Variants in SYT16 observed in about 807,000 individuals in gnomAD.
SYT16 encodes the protein synaptotagmin-16.
SYT16 carries 42 observed loss-of-function variants against 61.4 expected under a neutral mutation model. The observed-to-expected ratio is 0.68, with a 90% CI of 0.53 to 0.89. SYT16 has a LOEUF of 0.89. SYT16 is among the 40% of genes least tolerant of loss of function. The pLI, the probability that SYT16 is intolerant of heterozygous loss-of-function variation, is 0.00. For missense variants in SYT16, 804 were observed against 807.3 expected, an observed-to-expected ratio of 1.00 and a Z score of 0.05; for synonymous variants, 314 against 302.3, an observed-to-expected ratio of 1.04 and a Z score of -0.40.
rs2057506573 is a variant in SYT16, at chr14:62,106,014, A to G, written c.*5307A>G. 6.6e-6 allele frequency: 1 copy of G among 152,200 alleles called. No homozygotes were observed. Among genetic ancestry groups the G allele is most frequent in the African/African-American group, 2.4e-5 (1 of 41,460 alleles). 9.4% of individuals were successfully genotyped at this position (152,200 alleles called of 1,614,324 possible). A position where few individuals can be genotyped will look rare whatever the true frequency, so the allele number is the denominator to read the frequency against. On this transcript the variant is annotated 3_prime_UTR_variant, in exon 8 of 8. Transcript: ENST00000683842. Reference sequence around the variant, plus strand: ...AAGGCTGAGGAGATTTCTAGTAACAATGATCCAAAAGTTCTAACCAGGGGG... The same window carrying G: ...AAGGCTGAGGAGATTTCTAGTAACAGTGATCCAAAAGTTCTAACCAGGGGG...
At chr14:61,854,653 C>T (rs1156854977) in intron 1 of SYT16, among the ~76,000 whole-genome samples, 1 of 152,152 alleles carries the variant, frequency 6.6e-6, no homozygotes, top group Middle Eastern at 3.2e-3. Flanking sequence ...TCCTTGGACT[C>T]CTTTGACCAA....
At chr14:61,939,608 A>G (rs566509543) in intron 1 of SYT16, among the ~76,000 whole-genome samples, 18 of 152,078 alleles carry the variant, frequency 1.2e-4, no homozygotes, top group Non-Finnish European at 2.2e-4. Context: ...TCTTTTTATG[A>G]GGATGCCAGT....
Position 62,058,974 on chromosome 14 carries a change from A to G in SYT16, c.524-10629A>G, listed in dbSNP as rs561651204. ...CCTTAGCAAACTAACACAGGAGCAG[A>G]AAATCAAATACCACATGTTCTCACT... On this transcript the variant is annotated intron_variant, in intron 3 of 7. Coordinates refer to ENST00000683842, the MANE Select transcript of SYT16 (RefSeq NM_001367656.1). 2.0e-5 allele frequency among the ~76,000 whole-genome samples: 3 copies of G among 152,304 alleles called. No individual in the cohort carries two copies. In the South Asian group the frequency reaches 6.2e-4, roughly 32 times the overall value.
Position 62,101,633 on chromosome 14 carries a change from CTG to C in SYT16, c.*927_*928del, listed in dbSNP as rs2057421084. On this transcript the variant is annotated 3_prime_UTR_variant, in exon 8 of 8. Coordinates refer to ENST00000683842, the MANE Select transcript of SYT16 (RefSeq NM_001367656.1). The stretch of plus-strand genomic sequence containing the variant: ...GCATGTAAACCATGCTCTTTTTAAA[CTG>C]AGTATTTTCCATCACTAGAGCATAG... The C allele has an allele frequency of 6.6e-6, 1 of 152,138 alleles. No homozygotes were observed. Among genetic ancestry groups the C allele is most frequent in the South Asian group, 2.1e-4 (1 of 4,828 alleles). 9.4% of individuals were successfully genotyped at this position (152,138 alleles called of 1,614,324 possible).
At chr14:62,074,268 A>G (rs2056402942) in intron 4 of SYT16, among the ~76,000 whole-genome samples, 1 of 152,188 alleles carries the variant, frequency 6.6e-6, no homozygotes. Context: ...TGGAGACTGA[A>G]GGAGTCAGGG....
chr14:61,943,213 C>T (rs1320640097), intron 1 of SYT16, among the ~76,000 whole-genome samples: 1 of 152,160 alleles, frequency 6.6e-6, no homozygotes, highest in Non-Finnish European at 1.5e-5. Context: ...AGACCAGTAA[C>T]AAGTTCTGAA....
intron 1 of SYT16, among the ~76,000 whole-genome samples, chr14:61,870,869 T>TGCCTAATAATTCTATAATCTCTG (rs2140303499): frequency 6.6e-6 from 1 of 152,302 alleles, no homozygotes; most frequent in East Asian, 1.9e-4. Context: ...TTAACTACCT[T>TGCCTAATAATTCTATAATCTCTG]GCCTAATAAT....
intron 1 of SYT16, among the ~76,000 whole-genome samples, chr14:61,861,602 G>T (rs1451553822): frequency 6.6e-6 from 1 of 151,958 alleles, no homozygotes; most frequent in African/African-American, 2.4e-5. Context: ...AGGGGGTTTT[G>T]GCATGTTGCC....
rs1594864866 is a variant in SYT16, at chr14:61,899,903, T to A, written c.-324-70229T>A. 3.9e-5 allele frequency among the ~76,000 whole-genome samples: 6 copies of A among 152,294 alleles called. No individual in the cohort carries two copies. In the East Asian group the frequency reaches 1.2e-3, roughly 29 times the overall value. On this transcript the variant is annotated intron_variant, in intron 1 of 7. Transcript: ENST00000683842. ...AAGGGGGCACTCACTTCCCAAAAAG[T>A]TCCCCTTTCTTGGTGTTGATCTAAA...
intron 1 of SYT16, among the ~76,000 whole-genome samples, chr14:61,945,314 G>A (rs1349983844): frequency 6.6e-6 from 1 of 152,206 alleles, no homozygotes; most frequent in Non-Finnish European, 1.5e-5. Context: ...AACCATTGTA[G>A]AAGACAGTGT....
At chr14:61,982,484 C>T (rs1422492249) in intron 2 of SYT16, among the ~76,000 whole-genome samples, 4 of 152,118 alleles carry the variant, frequency 2.6e-5, no homozygotes, top group Admixed American at 1.3e-4. Flanking sequence ...CATCATATCT[C>T]ATGAGACTTA....
chr14:61,860,633 A>G (rs115788562), intron 1 of SYT16, among the ~76,000 whole-genome samples: 16,165 of 152,228 alleles, frequency 0.11, 900 homozygotes, highest in Non-Finnish European at 0.11. Context: ...GATTGGAAAT[A>G]AAAACATCTA....
chr14:62,027,830 A>G (rs898541190), intron 3 of SYT16, among the ~76,000 whole-genome samples: 1 of 152,120 alleles, frequency 6.6e-6, no homozygotes, highest in Non-Finnish European at 1.5e-5. Flanking sequence ...GCCTTCCCCA[A>G]GCTGCTTGAA....
rs1265038197 is a variant in SYT16 at position 62,075,400 on chromosome 14, T to C, written c.993+9T>C. 1.3e-6 allele frequency: 2 copies of C among 1,589,648 alleles called. No individual in the cohort carries two copies. Among genetic ancestry groups the C allele is most frequent in the Non-Finnish European group, 1.7e-6 (2 of 1,161,188 alleles). ...CCATGTGGAGTCCAGAGGCAAGTTA[T>C]TTGTTTTTCATTCTTTCATTGGTTC... is the stretch of plus-strand genomic sequence containing the variant. On this transcript the variant is annotated intron_variant, in intron 5 of 7. Transcript: ENST00000683842.
At position 61,970,254 on chromosome 14, in the gene SYT16, G is replaced by C. The variant is rs140387347; in HGVS notation, c.-202G>C. ...AACGATAGGAGGCCTTCCTTTCCTG[G>C]AGCATCGAGGGAAAAGAAAGCATTC... On this transcript the variant is annotated 5_prime_UTR_variant, in exon 2 of 8. Transcript: ENST00000683842. The C allele has an allele frequency of 6.6e-6, 1 of 152,124 alleles. No homozygotes were observed. The highest frequency in any genetic ancestry group is 2.1e-4 in the South Asian group (1 of 4,822). 9.4% of individuals were successfully genotyped at this position (152,124 alleles called of 1,614,324 possible).
chr14:61,851,473 G>A (rs577780342), intron 1 of SYT16, among the ~76,000 whole-genome samples: 30 of 131,360 alleles, frequency 2.3e-4, no homozygotes, highest in East Asian at 1.9e-3. Context: ...CTAGGTCTTT[G>A]AGGAATCACC....
At chr14:62,011,940 T>C (rs1441270646) in intron 3 of SYT16, among the ~76,000 whole-genome samples, 1 of 143,438 alleles carries the variant, frequency 7.0e-6, no homozygotes, top group African/African-American at 2.9e-5. Flanking sequence ...TATATATATA[T>C]ATTTGATGCT....
At position 62,003,386 on chromosome 14, in the gene SYT16, A is replaced by G. The variant is rs1018054838; in HGVS notation, c.523+6844A>G. 4.6e-5 allele frequency among the ~76,000 whole-genome samples: 7 copies of G among 151,656 alleles called. No individual in the cohort carries two copies. The South Asian group carries it at 1.5e-3, about 32-fold the overall frequency. The stretch of plus-strand genomic sequence containing the variant: ...CCCATGGGTTCTGTACTTCTGTGCT[A>G]GTCCACTGGGCCTTTACAAATAACT... On this transcript the variant is annotated intron_variant, in intron 3 of 7. Coordinates refer to ENST00000683842, the MANE Select transcript of SYT16 (RefSeq NM_001367656.1).
intron 1 of SYT16, among the ~76,000 whole-genome samples, chr14:61,969,404 G>C (rs377002183): frequency 6.6e-6 from 1 of 152,164 alleles, no homozygotes; most frequent in African/African-American, 2.4e-5. Context: ...CAATGGCTGG[G>C]ACTCTTTGAG....
Sources: allele counts gnomAD v4.1 joint callset (sites outside exome capture counted in the v4.1 genomes callset), GRCh38; gene constraint gnomAD v4.1.1; transcripts MANE v1.5; gene names NCBI Gene and HGNC (gene_info 2026-07-23, HGNC 2026-07-21).